AKAP6: variants seen among roughly 807,000 people sequenced by gnomAD.
AKAP6 encodes the protein A-kinase anchor protein 6.
A neutral mutation model predicts 188.5 loss-of-function variants in AKAP6; 58 were observed. The ratio of observed to expected loss-of-function variants is 0.31; its 90% CI spans 0.25 to 0.38. The LOEUF (loss-of-function observed/expected upper bound fraction) is 0.38. Among genes scored for constraint, AKAP6 ranks in the 10% least tolerant of loss-of-function variants. The pLI, the probability that AKAP6 is intolerant of heterozygous loss-of-function variation, is 1.00. For missense variants in AKAP6, 2,710 were observed against 2,740.0 expected (o/e 0.99, Z 0.24); for synonymous variants, 989 against 998.6 (o/e 0.99, Z 0.18).
At chr14:32,526,678 C>T (rs1000787654) in intron 2 of AKAP6, among the ~76,000 whole-genome samples, 6 of 152,156 alleles carry the variant, frequency 3.9e-5, no homozygotes, top group African/African-American at 1.4e-4. Flanking sequence ...CCATGTTCAG[C>T]CCATTATAGT....
intron 2 of AKAP6, among the ~76,000 whole-genome samples, chr14:32,502,537 C>A (rs2138988527): frequency 6.6e-6 from 1 of 152,218 alleles, no homozygotes; most frequent in Admixed American, 6.5e-5. Context: ...AAAACGCCAC[C>A]TTTTATACTC....
At chr14:32,614,235 C>T (rs900209886) in intron 7 of AKAP6, among the ~76,000 whole-genome samples, 7 of 152,132 alleles carry the variant, frequency 4.6e-5, no homozygotes, top group Non-Finnish European at 7.4e-5. Flanking sequence ...CTGCTTCAGA[C>T]CTTTGGCAAA....
chr14:32,526,240 T>C (rs1418715239), intron 2 of AKAP6, among the ~76,000 whole-genome samples: 1 of 151,944 alleles, frequency 6.6e-6, no homozygotes, highest in African/African-American at 2.4e-5. Context: ...AATTTTTTTA[T>C]TTTTATTTTT....
chr14:32,458,994 G>A (rs1310298648), intron 2 of AKAP6, among the ~76,000 whole-genome samples: 1 of 152,080 alleles, frequency 6.6e-6, no homozygotes, highest in African/African-American at 2.4e-5. Flanking sequence ...GATATCCATC[G>A]ATTGGTGAAA....
chr14:32,756,730 G>A (rs1350371902), intron 11 of AKAP6, among the ~76,000 whole-genome samples: 5 of 152,294 alleles, frequency 3.3e-5, no homozygotes, highest in African/African-American at 9.6e-5. Context: ...TCCAAGGCTG[G>A]TTCCCCAGTA....
chr14:32,404,029 C>T (rs1332903829), intron 1 of AKAP6, among the ~76,000 whole-genome samples: 1 of 152,108 alleles, frequency 6.6e-6, no homozygotes, highest in Non-Finnish European at 1.5e-5. Flanking sequence ...GTATTTAAGT[C>T]ATTTAAAGAT....
intron 1 of AKAP6, among the ~76,000 whole-genome samples, chr14:32,358,532 G>A (rs10136506): frequency 0.025 from 3,791 of 152,162 alleles, 136 homozygotes; most frequent in African/African-American, 0.082. Flanking sequence ...GGGTGGGGGG[G>A]TTAGGTATGC....
chr14:32,431,418 G>A lies in AKAP6; in HGVS notation c.-34-2042G>A, dbSNP rs1188187613. Among the ~76,000 whole-genome samples, 9 of 152,274 alleles carry A rather than the reference G, an allele frequency of 5.9e-5. No homozygotes were observed. The East Asian group carries it at 1.7e-3, about 29-fold the overall frequency. ...TTGAAGCCTGAAGCCATTCTCTAAG[G>A]CAGGTATCAAAGTGATAAACCTACT... On this transcript the variant is annotated intron_variant, in intron 1 of 13. Transcript: ENST00000280979.
At position 32,696,069 on chromosome 14, in the gene AKAP6, G is replaced by A. The variant is rs763787749; in HGVS notation, c.2959G>A (p.Asp987Asn). The change falls in exon 9 of 14, where the codon GAC becomes AAC. Residue 987 changes from aspartate to asparagine, a missense_variant. Asp to Asn is a conservative substitution (Grantham distance 23). Around this residue, in one of 2 missense-constraint regions of AKAP6, gnomAD observed 2,473 missense variants for 2,426.1 expected, o/e 1.02. Transcript: ENST00000280979. Reference protein sequence around the residue: ...DMESLVMDSHDLMMSEEQQQH... With the variant: ...DMESLVMDSHNLMMSEEQQQH... The stretch of plus-strand genomic sequence containing the variant: ...GGAGTCCCTTGTGATGGACAGCCAC[G>A]ACCTGATGATGTCAGAGGAGCAGCA... 1.3e-5 allele frequency: 21 copies of A among 1,612,680 alleles called. No individual in the cohort carries two copies. The highest frequency in any genetic ancestry group is 8.9e-5 in the East Asian group (4 of 44,830).
chr14:32,571,908 A>G (rs1045682967), intron 4 of AKAP6, among the ~76,000 whole-genome samples: 7 of 152,238 alleles, frequency 4.6e-5, no homozygotes, highest in African/African-American at 1.7e-4. Context: ...TGCCTTAGAA[A>G]TGAACTTTAC....
chr14:32,510,425 C>T (rs371231096), intron 2 of AKAP6, among the ~76,000 whole-genome samples: 2,490 of 51,524 alleles, frequency 0.048, 82 homozygotes, highest in Non-Finnish European at 0.075. Flanking sequence ...TATATATATA[C>T]ATATATATAT....
At chr14:32,732,936 G>T in intron 10 of AKAP6, 1 of 460,564 alleles carries the variant, frequency 2.2e-6, no homozygotes, top group South Asian at 3.9e-5. Flanking sequence ...TTGAATGAAT[G>T]TTAATAGAAT....
Position 32,547,615 on chromosome 14 carries a change from T to A in AKAP6, c.2346+616T>A, listed in dbSNP as rs74346320. Among the ~76,000 whole-genome samples the A allele has an allele frequency of 5.6e-3, 850 of 152,264 alleles. 42 individuals carry two copies. The East Asian group carries it at 0.1, about 19-fold the overall frequency. Reference sequence around the variant, plus strand: ...GTACTTTTGAACAAATTACTAGATATGACGTAATGTTTGAGGACAGACTTA... The same window carrying A: ...GTACTTTTGAACAAATTACTAGATAAGACGTAATGTTTGAGGACAGACTTA... On this transcript the variant is annotated intron_variant, in intron 4 of 13. Transcript: ENST00000280979.
At chr14:32,762,519 A>G (rs1212492634) in intron 11 of AKAP6, among the ~76,000 whole-genome samples, 2 of 152,126 alleles carry the variant, frequency 1.3e-5, no homozygotes, top group Non-Finnish European at 2.9e-5. Context: ...AAATTAAAGA[A>G]TGCCACACAG....
intron 1 of AKAP6, among the ~76,000 whole-genome samples, chr14:32,428,403 G>T (rs1890104292): frequency 6.6e-6 from 1 of 152,088 alleles, no homozygotes; most frequent in Non-Finnish European, 1.5e-5. Context: ...AGGCCACCAA[G>T]AGAGTATGAA....
At chr14:32,739,811 T>G (rs1332834287) in intron 11 of AKAP6, among the ~76,000 whole-genome samples, 2 of 152,168 alleles carry the variant, frequency 1.3e-5, no homozygotes, top group Non-Finnish European at 2.9e-5. Flanking sequence ...TCTTGGCTAT[T>G]GTGAATAGTG....
intron 11 of AKAP6, among the ~76,000 whole-genome samples, chr14:32,743,289 G>A (rs11156761): frequency 0.79 from 119,463 of 152,042 alleles, 47,123 homozygotes; most frequent in East Asian, 0.91. Context: ...TGTAGGCAAC[G>A]GATCAATGGG....
chr14:32,593,207 C>CTGG (rs1566594292), intron 5 of AKAP6, among the ~76,000 whole-genome samples: 1 of 152,070 alleles, frequency 6.6e-6, no homozygotes, highest in African/African-American at 2.4e-5. Flanking sequence ...TCGAGTTGAC[C>CTGG]TGGCAAGGGA....
chr14:32,833,413 CAAAACGGTATACA>C lies in AKAP6; in HGVS notation c.*3613_*3625del, dbSNP rs1013410069. On this transcript the variant is annotated 3_prime_UTR_variant, in exon 14 of 14. Transcript: ENST00000280979. ...TCTACATTTAAGAAAATCTAGTGAG[CAAAACGGTATACA>C]AAAAATCATCTGGATCTGACTACCA... 1 of 152,046 alleles carries C rather than the reference CAAAACGGTATACA, an allele frequency of 6.6e-6. No individual in the cohort carries two copies. The highest frequency in any genetic ancestry group is 2.4e-5 in the African/African-American group (1 of 41,388). 9.4% of individuals were successfully genotyped at this position (152,046 alleles called of 1,614,324 possible).
Sources: allele counts gnomAD v4.1 joint callset (sites outside exome capture counted in the v4.1 genomes callset), GRCh38; gene constraint gnomAD v4.1.1; regional missense constraint gnomAD v4.1.1; transcripts MANE v1.5; gene names NCBI Gene and HGNC (gene_info 2026-07-23, HGNC 2026-07-21).